MACROD2: variants seen among roughly 807,000 people sequenced by gnomAD.
MACROD2 encodes the protein ADP-ribose glycohydrolase MACROD2.
In MACROD2, 36 loss-of-function variants were observed where a neutral mutation model predicts 70.4. The observed-to-expected ratio is 0.51, with a 90% CI of 0.39 to 0.68. The LOEUF is 0.68. Among genes scored for constraint, MACROD2 ranks in the 30% least tolerant of loss-of-function variants. The probability of loss-of-function intolerance (pLI) is 0.00; values close to 1 mark genes in which losing one functional copy is unlikely to be tolerated. For missense variants in MACROD2, 496 were observed against 538.4 expected, an observed-to-expected ratio of 0.92 and a Z score of 0.78; for synonymous variants, 172 against 178.8, an observed-to-expected ratio of 0.96 and a Z score of 0.30.
At chr20:14,628,100 TCA>T (rs1255969405) in intron 4 of MACROD2, among the ~76,000 whole-genome samples, 1 of 152,162 alleles carries the variant, frequency 6.6e-6, no homozygotes, top group African/African-American at 2.4e-5. Flanking sequence ...TGGAATATGT[TCA>T]GAGTGGGAAG....
At chr20:15,752,162 T>C (rs2051281877) in intron 8 of MACROD2, among the ~76,000 whole-genome samples, 1 of 151,970 alleles carries the variant, frequency 6.6e-6, no homozygotes, top group African/African-American at 2.4e-5. Context: ...AAATATCTAA[T>C]CTTCAGAGCA....
chr20:14,731,836 T>C (rs1029274002), intron 5 of MACROD2, among the ~76,000 whole-genome samples: 1 of 152,178 alleles, frequency 6.6e-6, no homozygotes, highest in African/African-American at 2.4e-5. Flanking sequence ...GAGAATCCAG[T>C]CGTCTTTTTT....
At chr20:15,976,385 T>C (rs992195947) in intron 13 of MACROD2, among the ~76,000 whole-genome samples, 2 of 152,186 alleles carry the variant, frequency 1.3e-5, no homozygotes, top group African/African-American at 4.8e-5. Context: ...GTATGAAAAA[T>C]ATATACATAA....
chr20:14,394,934 G>A (rs1377218836), intron 3 of MACROD2, among the ~76,000 whole-genome samples: 1 of 152,068 alleles, frequency 6.6e-6, no homozygotes, highest in African/African-American at 2.4e-5. Context: ...TATATTCCTA[G>A]AATAAACTCT....
intron 5 of MACROD2, among the ~76,000 whole-genome samples, chr20:15,021,080 G>A (rs1340946705): frequency 2.0e-4 from 26 of 131,642 alleles, no homozygotes; most frequent in Middle Eastern, 8.3e-3. Flanking sequence ...ATGTGTGTAT[G>A]TGTATACACG....
At chr20:15,812,168 G>A (rs867799358) in intron 8 of MACROD2, among the ~76,000 whole-genome samples, 64 of 152,158 alleles carry the variant, frequency 4.2e-4, no homozygotes, top group Admixed American at 7.9e-4. Flanking sequence ...AATCAGGGCC[G>A]TCCCCCACCC....
At chr20:15,707,140 A>G (rs554411612) in intron 8 of MACROD2, among the ~76,000 whole-genome samples, 1 of 152,316 alleles carries the variant, frequency 6.6e-6, no homozygotes, top group East Asian at 1.9e-4. Context: ...CATGTATAGT[A>G]AATTACATGA....
At chr20:14,247,109 T>C (rs2081973840) in intron 3 of MACROD2, among the ~76,000 whole-genome samples, 1 of 152,210 alleles carries the variant, frequency 6.6e-6, no homozygotes, top group African/African-American at 2.4e-5. Flanking sequence ...TCACTAACTT[T>C]GGCCTCCAGA....
At chr20:14,689,840 C>A (rs1452902705) in intron 5 of MACROD2, among the ~76,000 whole-genome samples, 1 of 151,972 alleles carries the variant, frequency 6.6e-6, no homozygotes. Context: ...TAACAGAGTA[C>A]CTTGTATATC....
intron 7 of MACROD2, among the ~76,000 whole-genome samples, chr20:15,448,594 A>G (rs2046600520): frequency 6.6e-6 from 1 of 152,162 alleles, no homozygotes; most frequent in South Asian, 2.1e-4. Flanking sequence ...AAATGCATAC[A>G]TGTTCCTGTA....
chr20:15,933,337 A>G lies in MACROD2; in HGVS notation c.837A>G (p.Ala279=), dbSNP rs764377917. ...VEEMEEQSQD[A]DGVNTVTVPG... is the part of the protein sequence containing the mutation. ...AAATGGAAGAGCAGAGCCAAGATGC[A>G]GGTAGGCTCAGATTTCTTTTGAGAA... Residue 279 remains alanine (A), a splice_region_variant and synonymous_variant, in exon 11 of 18, where the codon GCA becomes GCG. Transcript: ENST00000684519. The G allele has an allele frequency of 2.5e-6, 4 of 1,612,826 alleles. No individual in the cohort carries two copies. In the East Asian group the frequency reaches 8.9e-5, roughly 36 times the overall value.
intron 5 of MACROD2, among the ~76,000 whole-genome samples, chr20:15,193,795 A>C (rs6079701): frequency 0.79 from 119,993 of 151,666 alleles, 47,818 homozygotes; most frequent in East Asian, 0.96. Context: ...GTGGTTATGT[A>C]CAAAGGAGCG....
intron 10 of MACROD2, among the ~76,000 whole-genome samples, chr20:15,905,230 T>C (rs1177718386): frequency 1.3e-5 from 2 of 152,200 alleles, no homozygotes; most frequent in Non-Finnish European, 2.9e-5. Context: ...GGCAACACTC[T>C]CGTTTCACAG....
At chr20:15,196,272 A>C (rs2076605952) in intron 5 of MACROD2, among the ~76,000 whole-genome samples, 1 of 152,162 alleles carries the variant, frequency 6.6e-6, no homozygotes, top group South Asian at 2.1e-4. Context: ...AAAATGAAAA[A>C]AAAAAGAATT....
At chr20:14,472,926 A>C (rs2084546853) in intron 3 of MACROD2, among the ~76,000 whole-genome samples, 1 of 152,080 alleles carries the variant, frequency 6.6e-6, no homozygotes, top group African/African-American at 2.4e-5. Context: ...TGGAAGATGT[A>C]AGAAGGTAGG....
intron 3 of MACROD2, among the ~76,000 whole-genome samples, chr20:14,167,303 A>G (rs1376227308): frequency 5.9e-5 from 9 of 151,998 alleles, no homozygotes; most frequent in African/African-American, 2.2e-4. Context: ...TTTTCACATG[A>G]TTATATGCTT....
intron 4 of MACROD2, among the ~76,000 whole-genome samples, chr20:14,594,117 A>G (rs1446042948): frequency 6.6e-6 from 1 of 152,156 alleles, no homozygotes; most frequent in African/African-American, 2.4e-5. Flanking sequence ...AAAGGAGGAG[A>G]AACTAACTTT....
At chr20:15,097,687 G>A (rs1022831037) in intron 5 of MACROD2, among the ~76,000 whole-genome samples, 2 of 152,132 alleles carry the variant, frequency 1.3e-5, no homozygotes, top group Admixed American at 1.3e-4. Context: ...AATATGCAAG[G>A]CCATGCTTTG....
At chr20:14,442,814 C>T (rs947759028) in intron 3 of MACROD2, among the ~76,000 whole-genome samples, 2 of 152,086 alleles carry the variant, frequency 1.3e-5, no homozygotes, top group East Asian at 1.9e-4. Flanking sequence ...CGGTGGCTCA[C>T]GCCTGTAATC....
Sources: gnomAD v4.1 joint callset for allele counts (sites outside exome capture counted in the v4.1 genomes callset) on GRCh38, gnomAD v4.1.1 for gene constraint, MANE v1.5 for transcripts, NCBI Gene and HGNC (gene_info 2026-07-23, HGNC 2026-07-21) for gene names.